The following TNFRSF10D variants were observed in gnomAD, a reference collection of about 807,000 sequenced individuals.
TNFRSF10D encodes the protein tumor necrosis factor receptor superfamily member 10D.
TNFRSF10D carries 28 observed loss-of-function variants against 42.1 expected under a neutral mutation model. That is an observed-to-expected ratio of 0.66 (90% CI 0.49 to 0.91). The LOEUF is 0.91. TNFRSF10D is among the 40% of genes least tolerant of loss of function. The probability of loss-of-function intolerance (pLI) is 0.00; values close to 1 mark genes in which losing one functional copy is unlikely to be tolerated. For synonymous variants in TNFRSF10D, 186 were observed against 189.4 expected, an observed-to-expected ratio of 0.98 and a Z score of 0.15; for missense variants, 503 against 486.1, an observed-to-expected ratio of 1.03 and a Z score of -0.33.
chr8:23,157,757 A>C (rs1800301504), intron 1 of TNFRSF10D, among the ~76,000 whole-genome samples: 1 of 152,232 alleles, frequency 6.6e-6, no homozygotes, highest in African/African-American at 2.4e-5. Flanking sequence ...TTTAACTACA[A>C]GGGTCCCTTT....
intron 1 of TNFRSF10D, among the ~76,000 whole-genome samples, chr8:23,155,401 T>G (rs1034973406): frequency 4.6e-5 from 7 of 151,978 alleles, no homozygotes; most frequent in Admixed American, 4.6e-4. Flanking sequence ...AACACACCAC[T>G]GTAGTTGGCA....
rs1480454753 is a variant in TNFRSF10D at position 23,140,158 on chromosome 8, GT to G, written c.955-1899del. 8.5e-5 allele frequency among the ~76,000 whole-genome samples: 13 copies of G among 152,250 alleles called. No homozygotes were observed. The East Asian group carries it at 2.5e-3, about 29-fold the overall frequency. ...CAAAAAACTAACCAGGCGTGGCAGTGTGCGCCTGTAATCCCAGCTGCTGGGG... is the reference window on the plus strand; with the variant it reads ...CAAAAAACTAACCAGGCGTGGCAGTGGCGCCTGTAATCCCAGCTGCTGGGG... On this transcript the variant is annotated intron_variant, in intron 7 of 8. Transcript: ENST00000312584.
At chr8:23,144,940 A>C in intron 6 of TNFRSF10D, 118 bp downstream of exon 6, 6 of 1,451,614 alleles carry the variant, frequency 4.1e-6, no homozygotes, top group Non-Finnish European at 5.8e-6. Context: ...CCCCCAGGCC[A>C]TGTCAGAGAG....
At chr8:23,144,367 G>T (rs755616260) in intron 7 of TNFRSF10D, 83 bp downstream of exon 7, 1 of 1,483,632 alleles carries the variant, frequency 6.7e-7, no homozygotes, top group Non-Finnish European at 9.1e-7. Flanking sequence ...GGCCAGGAAA[G>T]AGGAGGCACT....
chr8:23,137,085 G>A lies in TNFRSF10D; in HGVS notation c.*785C>T, dbSNP rs1379191547. On this transcript the variant is annotated 3_prime_UTR_variant, in exon 9 of 9. Transcript: ENST00000312584. ...ATGTTTACATCATTATACAAAAATC[G>A]GAAAAGAGATGTACAGCCTACAGTA... is the stretch of plus-strand genomic sequence containing the variant. 3 of 151,604 alleles carry A rather than the reference G, an allele frequency of 2.0e-5. No homozygotes were observed. The highest frequency in any genetic ancestry group is 4.4e-5 in the Non-Finnish European group (3 of 68,010). The allele number at this position is 151,604 out of a possible 1,614,324, so 9.4% of individuals were successfully genotyped here. A position where few individuals can be genotyped will look rare whatever the true frequency, so the allele number is the denominator to read the frequency against.
At chr8:23,151,008 T>C (rs1431559724) in intron 2 of TNFRSF10D, among the ~76,000 whole-genome samples, 1 of 151,910 alleles carries the variant, frequency 6.6e-6, no homozygotes, top group Non-Finnish European at 1.5e-5. Flanking sequence ...AAGAAATAAT[T>C]AAAGAAAATG....
At chr8:23,143,824 A>G (rs115633551) in intron 7 of TNFRSF10D, among the ~76,000 whole-genome samples, 914 of 152,214 alleles carry the variant, frequency 6.0e-3, no homozygotes, top group African/African-American at 0.019. Context: ...AAGTCCACAA[A>G]AAATTAGGTA....
chr8:23,153,083 A>G (rs113386783), intron 2 of TNFRSF10D, among the ~76,000 whole-genome samples: 802 of 151,998 alleles, frequency 5.3e-3, no homozygotes, highest in African/African-American at 0.017. Context: ...ATTTACAGTC[A>G]ACTGATTGTG....
rs775291562 is a variant in TNFRSF10D, at chr8:23,145,066, C to T, written c.760G>A (p.Val254Met). Residue 254 changes from valine to methionine, a missense_variant, in exon 6 of 9, where the codon GTG (valine) becomes ATG (methionine). Physicochemically the swap from Val to Met is conservative, Grantham distance 21 (BLOSUM62 1). Coordinates refer to ENST00000312584, the MANE Select transcript of TNFRSF10D (RefSeq NM_003840.5). ...TGGAGAAACCAACTCACTCTGTGCA[C>T]ACGTTCGGGACCTCCTCCACCACCT... ...CSGGGGGPER[V>M]HRVLFRRRSC... The T allele has an allele frequency of 1.2e-6, 2 of 1,614,152 alleles. No homozygotes were observed. The highest frequency in any genetic ancestry group is 1.1e-5 in the South Asian group (1 of 91,080).
rs553174580 is a variant in TNFRSF10D, at chr8:23,144,384, T to G, written c.954+66A>C. 1.9e-5 allele frequency: 29 copies of G among 1,539,720 alleles called. No homozygotes were observed. The Admixed American group carries it at 4.6e-4, about 24-fold the overall frequency. ...CCAGGAAAGAGGAGGCACTGCCATG[T>G]CCCACTGTCTACAAAGTCCTGTGCA... On this transcript the variant is annotated intron_variant, in intron 7 of 8. Transcript: ENST00000312584.
intron 7 of TNFRSF10D, among the ~76,000 whole-genome samples, chr8:23,142,142 A>G (rs1800033469): frequency 6.6e-6 from 1 of 152,074 alleles, no homozygotes. Context: ...ATGGTGGCAC[A>G]TGCCTGTAAT....
chr8:23,163,671 A>T (rs1359921343), intron 1 of TNFRSF10D, 115 bp downstream of exon 1: 14 of 1,487,498 alleles, frequency 9.4e-6, no homozygotes, highest in Non-Finnish European at 1.3e-5. Flanking sequence ...CTGCCCAGAC[A>T]TGCCCGGCCG....
chr8:23,156,204 C>T (rs529678343), intron 1 of TNFRSF10D, among the ~76,000 whole-genome samples: 647 of 151,586 alleles, frequency 4.3e-3, no homozygotes, highest in African/African-American at 0.014. Flanking sequence ...ATTTTTTTTG[C>T]ATAGTTTTTG....
Position 23,146,989 on chromosome 8 carries a change from G to A in TNFRSF10D, c.454C>T (p.Pro152Ser), listed in dbSNP as rs1344521665. The A allele has an allele frequency of 2.5e-6, 4 of 1,613,156 alleles. No individual in the cohort carries two copies. The highest frequency in any genetic ancestry group is 4.5e-5 in the East Asian group (2 of 44,874). The change falls in exon 4 of 9, where the codon CCT (proline) becomes TCT (serine). Residue 152 changes from proline (P) to serine (S), a missense_variant. By Grantham distance (74) the Pro-to-Ser change is moderately conservative (BLOSUM62 -1). Transcript: ENST00000312584. ...EKGSFQDKNS[P>S]EMCRTCRTGC... Reference sequence around the variant, plus strand: ...GTTCTACACGTCCGGCACATCTCAGGGGAGTTTTTATCCTGGAAGCTTCCT... The same window carrying A: ...GTTCTACACGTCCGGCACATCTCAGAGGAGTTTTTATCCTGGAAGCTTCCT...
At chr8:23,151,974 G>A (rs76527136) in intron 2 of TNFRSF10D, among the ~76,000 whole-genome samples, 2,786 of 152,218 alleles carry the variant, frequency 0.018, 84 homozygotes, top group African/African-American at 0.063. Flanking sequence ...TATTTGTCCC[G>A]GTGGACTGTC....
chr8:23,163,236 G>C (rs899204785), intron 1 of TNFRSF10D, among the ~76,000 whole-genome samples: 2 of 152,008 alleles, frequency 1.3e-5, no homozygotes, highest in Non-Finnish European at 2.9e-5. Flanking sequence ...CCGAGTAGCT[G>C]GGATTACAGG....
rs369498961 is a variant in TNFRSF10D, at chr8:23,162,834, G to T, written c.150+952C>A. ...GGAAATGAAAGTTACAAAAAACAGC[G>T]TTGGAAAGCTTTTTCACAGGCTGTT... On this transcript the variant is annotated intron_variant, in intron 1 of 8. Transcript: ENST00000312584. Among the ~76,000 whole-genome samples the T allele has an allele frequency of 1.5e-4, 23 of 152,346 alleles. No individual in the cohort carries two copies. The South Asian group carries it at 4.8e-3, about 32-fold the overall frequency.
Position 23,163,635 on chromosome 8 carries a change from C to A in TNFRSF10D, c.150+151G>T, listed in dbSNP as rs192355609. The A allele has an allele frequency of 7.9e-4, 1,006 of 1,274,968 alleles. No individual in the cohort carries two copies. In the African/African-American group the frequency reaches 0.013, roughly 16 times the overall value. 79.0% of individuals were successfully genotyped at this position (1,274,968 alleles called of 1,614,324 possible). A position where few individuals can be genotyped will look rare whatever the true frequency, so the allele number is the denominator to read the frequency against. On this transcript the variant is annotated intron_variant, in intron 1 of 8. Transcript: ENST00000312584. ...TGCCCAGCCCGGGCACCCCACTCTT[C>A]CCCTGACTCCGACGGCGGGTTCGTC...
chr8:23,156,259 T>C (rs1018060384), intron 1 of TNFRSF10D, among the ~76,000 whole-genome samples: 36 of 152,228 alleles, frequency 2.4e-4, no homozygotes, highest in Non-Finnish European at 2.6e-4. Flanking sequence ...ATTAATTTAA[T>C]TGTAAATTTA....
Sources: allele counts gnomAD v4.1 joint callset (sites outside exome capture counted in the v4.1 genomes callset), GRCh38; gene constraint gnomAD v4.1.1; transcripts MANE v1.5; gene names NCBI Gene and HGNC (gene_info 2026-07-23, HGNC 2026-07-21).